The following KCNIP4 variants were observed in gnomAD, a reference collection of about 807,000 sequenced individuals.
KCNIP4 encodes Kv channel-interacting protein 4.
KCNIP4 carries 12 observed loss-of-function variants against 34.0 expected under a neutral mutation model. The observed-to-expected ratio is 0.35, with a 90% confidence interval of 0.23 to 0.57. The LOEUF (loss-of-function observed/expected upper bound fraction) is 0.57. KCNIP4 is among the 20% of genes least tolerant of loss of function. The pLI is 0.83. For missense variants in KCNIP4, 238 were observed against 311.7 expected, an observed-to-expected ratio of 0.76 and a Z score of 1.78; for synonymous variants, 124 against 102.2, an observed-to-expected ratio of 1.21 and a Z score of -1.29.
chr4:21,845,047 T>G (rs562744187), intron 1 of KCNIP4: 7 of 151,948 alleles, frequency 4.6e-5, no homozygotes, highest in African/African-American at 1.7e-4. Flanking sequence ...ATCAAGACAA[T>G]AGGAAGGATG....
At chr4:21,401,037 C>T (rs542513048) in intron 1 of KCNIP4, among the ~76,000 whole-genome samples, 6 of 152,032 alleles carry the variant, frequency 3.9e-5, no homozygotes, top group Admixed American at 3.3e-4. Context: ...GGTGGGGGCC[C>T]GTAATCCTAG....
intron 2 of KCNIP4, among the ~76,000 whole-genome samples, chr4:20,878,989 C>A (rs1724379830): frequency 6.6e-6 from 1 of 152,082 alleles, no homozygotes; most frequent in Non-Finnish European, 1.5e-5. Flanking sequence ...CCGACTTCAG[C>A]AACTGGACAG....
At chr4:21,670,026 C>T (rs1427245882) in intron 1 of KCNIP4, among the ~76,000 whole-genome samples, 1 of 152,024 alleles carries the variant, frequency 6.6e-6, no homozygotes, top group African/African-American at 2.4e-5. Context: ...TCTAATCTTC[C>T]ATAAGCATAT....
chr4:21,226,290 A>G (rs1406472671), intron 1 of KCNIP4, among the ~76,000 whole-genome samples: 3 of 134,106 alleles, frequency 2.2e-5, no homozygotes, highest in Non-Finnish European at 4.8e-5. Flanking sequence ...AGAGAGAGAG[A>G]GAAAGGGAGA....
chr4:21,573,954 C>A (rs770282591), intron 1 of KCNIP4, among the ~76,000 whole-genome samples: 1 of 152,120 alleles, frequency 6.6e-6, no homozygotes, highest in Non-Finnish European at 1.5e-5. Flanking sequence ...TCTATGAACA[C>A]TTTCCAAGAA....
chr4:21,506,633 ACT>A (rs1233729717), intron 1 of KCNIP4, among the ~76,000 whole-genome samples: 13 of 152,150 alleles, frequency 8.5e-5, no homozygotes, highest in Admixed American at 8.5e-4. Context: ...TTACCCCCAT[ACT>A]TTTACTAAAG....
intron 1 of KCNIP4, among the ~76,000 whole-genome samples, chr4:21,914,142 T>C (rs1728496667): frequency 6.6e-6 from 1 of 152,118 alleles, no homozygotes; most frequent in Non-Finnish European, 1.5e-5. Flanking sequence ...AAATTAGAAC[T>C]ATCAAGTTTG....
At chr4:21,650,962 TTC>T (rs34078043) in intron 1 of KCNIP4, among the ~76,000 whole-genome samples, 8,778 of 152,244 alleles carry the variant, frequency 0.058, 305 homozygotes, top group Middle Eastern at 0.12. Context: ...CCATATGGTC[TTC>T]TCCATCTTTA....
At chr4:21,149,045 C>T (rs1001977066) in intron 1 of KCNIP4, among the ~76,000 whole-genome samples, 2 of 152,050 alleles carry the variant, frequency 1.3e-5, no homozygotes, top group African/African-American at 4.8e-5. Context: ...CATAAGTGTG[C>T]AATCTATATA....
intron 1 of KCNIP4, among the ~76,000 whole-genome samples, chr4:21,466,255 C>T (rs1224113336): frequency 1.6e-4 from 25 of 152,274 alleles, no homozygotes; most frequent in African/African-American, 5.1e-4. Context: ...ACTCCAAAGT[C>T]TAACCCACAA....
chr4:21,271,068 G>A (rs1762119506), intron 1 of KCNIP4, among the ~76,000 whole-genome samples: 1 of 151,900 alleles, frequency 6.6e-6, no homozygotes, highest in African/African-American at 2.4e-5. Flanking sequence ...TGTGAAACAG[G>A]AAGTGTTTGC....
intron 1 of KCNIP4, chr4:21,855,624 T>C (rs756483727): frequency 6.6e-6 from 1 of 152,182 alleles, no homozygotes; most frequent in Non-Finnish European, 1.5e-5. Flanking sequence ...AAACTTCCAT[T>C]CTTCTATAAG....
intron 1 of KCNIP4, among the ~76,000 whole-genome samples, chr4:21,791,853 T>G (rs185806005): frequency 1.3e-5 from 2 of 151,908 alleles, no homozygotes; most frequent in African/African-American, 4.8e-5. Flanking sequence ...AATACAAAAA[T>G]TAGCCAGGTG....
At chr4:20,864,296 A>G (rs944957950) in intron 2 of KCNIP4, among the ~76,000 whole-genome samples, 4 of 151,282 alleles carry the variant, frequency 2.6e-5, no homozygotes, top group African/African-American at 9.7e-5. Context: ...ATATGTACAC[A>G]TATGTATGCA....
At chr4:20,745,074 T>G (rs1037714190) in intron 5 of KCNIP4, among the ~76,000 whole-genome samples, 2 of 152,198 alleles carry the variant, frequency 1.3e-5, no homozygotes, top group African/African-American at 4.8e-5. Context: ...GAGATGTGCT[T>G]CTTTCCTTGC....
intron 1 of KCNIP4, among the ~76,000 whole-genome samples, chr4:21,799,123 TTAA>T (rs1332837300): frequency 6.6e-6 from 1 of 152,146 alleles, no homozygotes; most frequent in Non-Finnish European, 1.5e-5. Flanking sequence ...TGATATACCA[TTAA>T]TAATAATAAG....
chr4:20,742,346 G>A (rs540795792), intron 5 of KCNIP4, among the ~76,000 whole-genome samples: 7 of 152,268 alleles, frequency 4.6e-5, no homozygotes, highest in Non-Finnish European at 8.8e-5. Context: ...GAATCCAGCA[G>A]CACATCAAAA....
intron 1 of KCNIP4, among the ~76,000 whole-genome samples, chr4:21,809,977 C>T (rs1224996736): frequency 1.3e-5 from 2 of 152,088 alleles, no homozygotes; most frequent in Non-Finnish European, 2.9e-5. Flanking sequence ...GCTTAGAATG[C>T]ATGTCATTCT....
chr4:21,430,226 G>A (rs112163562), intron 1 of KCNIP4, among the ~76,000 whole-genome samples: 6 of 152,030 alleles, frequency 3.9e-5, no homozygotes, highest in African/African-American at 1.4e-4. Flanking sequence ...ACAAACAGTA[G>A]TCTATTCTTG....
Sources: allele counts gnomAD v4.1 joint callset (sites outside exome capture counted in the v4.1 genomes callset), GRCh38; gene constraint gnomAD v4.1.1; transcripts MANE v1.5; gene names NCBI Gene and HGNC (gene_info 2026-07-23, HGNC 2026-07-21).